Variants in ITGB3 observed in about 807,000 individuals in gnomAD.
The protein encoded by ITGB3 is integrin subunit beta 3, also known as integrin beta-3.
ITGB3 carries 48 observed loss-of-function variants against 85.8 expected under a neutral mutation model. The observed-to-expected ratio is 0.56, with a 90% confidence interval of 0.44 to 0.71. The LOEUF (loss-of-function observed/expected upper bound fraction) is 0.71, where lower values mean the gene tolerates loss of function less well. Ranked by LOEUF, ITGB3 falls within the 30% of genes least tolerant of loss-of-function variation. ITGB3 has a pLI of 0.00. For synonymous variants in ITGB3, 363 were observed against 395.6 expected, an observed-to-expected ratio of 0.92 and a Z score of 0.98; for missense variants, 861 against 1,019.1, an observed-to-expected ratio of 0.84 and a Z score of 2.11.
chr17:47,258,465 T>A (rs78818382), intron 1 of ITGB3, among the ~76,000 whole-genome samples: 20,683 of 152,006 alleles, frequency 0.14, 1,500 homozygotes, highest in Middle Eastern at 0.16. Context: ...AATTCAGGTA[T>A]AATTTATGTA....
At position 47,283,427 on chromosome 17, in the gene ITGB3, T is replaced by A; in HGVS notation, c.239T>A (p.Ile80Asn). Residue 80 changes from isoleucine to asparagine, a missense_variant, in exon 3 of 15, where the codon ATC (isoleucine) becomes AAC (asparagine). By Grantham distance (149) the Ile-to-Asn change is moderately radical. Transcript: ENST00000559488. ...LLKDNCAPES[I>N]EFPVSEARVL... ...AAGGATAACTGTGCCCCAGAATCCA[T>A]CGAGTTCCCAGTGAGTGAGGCCCGA... 1 of 1,614,194 alleles carries A rather than the reference T, an allele frequency of 6.2e-7. No homozygotes were observed. Among genetic ancestry groups the A allele is most frequent in the Non-Finnish European group, 8.5e-7 (1 of 1,180,040 alleles).
rs188471209 is a variant in ITGB3, at chr17:47,299,555, C to T, written c.1913+25C>T. The T allele has an allele frequency of 2.8e-3, 4,477 of 1,605,302 alleles. 7 individuals carry two copies. The highest frequency in any genetic ancestry group is 3.5e-3 in the Non-Finnish European group (4,112 of 1,172,582). On this transcript the variant is annotated intron_variant, in intron 11 of 14. Transcript: ENST00000559488. The surrounding 1 kb of genome is among the most constrained non-coding windows in gnomAD (Gnocchi z 5.1). The stretch of plus-strand genomic sequence containing the variant: ...AGTGAGTGTGGAGTCTGGAGAGAGC[C>T]GGGAGGCTGGGAGGTAGGAGAGGAT...
chr17:47,273,419 T>C (rs2065052291), intron 1 of ITGB3, among the ~76,000 whole-genome samples: 1 of 152,238 alleles, frequency 6.6e-6, no homozygotes, highest in Non-Finnish European at 1.5e-5. Flanking sequence ...AGGGTTCACC[T>C]GGCTGGAGCA....
At position 47,254,359 on chromosome 17, in the gene ITGB3, G is replaced by A. The variant is rs570532034; in HGVS notation, c.79+419G>A. On this transcript the variant is annotated intron_variant, in intron 1 of 14. Transcript: ENST00000559488. Reference sequence around the variant, plus strand: ...GGTTGTTCCCGCGCCTTGGCAGAGGGATGCCGCTGTAGCTTCCTGGGTGAG... The same window carrying A: ...GGTTGTTCCCGCGCCTTGGCAGAGGAATGCCGCTGTAGCTTCCTGGGTGAG... Among the ~76,000 whole-genome samples, 695 of 152,330 alleles carry A rather than the reference G, an allele frequency of 4.6e-3. 4 individuals are homozygous for A. The highest frequency in any genetic ancestry group is 0.017 in the Middle Eastern group (5 of 292).
At chr17:47,272,142 G>A (rs2065046334) in intron 1 of ITGB3, among the ~76,000 whole-genome samples, 1 of 143,320 alleles carries the variant, frequency 7.0e-6, no homozygotes, top group East Asian at 2.2e-4. Flanking sequence ...CACAAGCTCC[G>A]CCTCCTGAGT....
At chr17:47,296,205 T>G (rs73320494) in intron 10 of ITGB3, among the ~76,000 whole-genome samples, 3 of 152,130 alleles carry the variant, frequency 2.0e-5, no homozygotes, top group Non-Finnish European at 2.9e-5. Context: ...TTTCCAGATA[T>G]ACTTGGCAGC....
At chr17:47,256,911 G>T (rs1021263069) in intron 1 of ITGB3, among the ~76,000 whole-genome samples, 3 of 152,140 alleles carry the variant, frequency 2.0e-5, no homozygotes, top group African/African-American at 7.2e-5. Flanking sequence ...AACACAGCAG[G>T]AAGGCTTGTT....
intron 1 of ITGB3, among the ~76,000 whole-genome samples, chr17:47,269,533 A>C (rs2143054998): frequency 6.6e-6 from 1 of 152,308 alleles, no homozygotes; most frequent in South Asian, 2.1e-4. Flanking sequence ...CCTTTACTCC[A>C]GTTCCCAATA....
chr17:47,303,568 C>G (rs933472832), intron 13 of ITGB3: 5 of 152,526 alleles, frequency 3.3e-5, no homozygotes, highest in African/African-American at 1.2e-4. Context: ...CAGAGGAAGG[C>G]CTGATGGTTA....
chr17:47,302,977 G>T, intron 13 of ITGB3, 137 bp downstream of exon 13: 1 of 999,338 alleles, frequency 1.0e-6, no homozygotes, highest in South Asian at 1.4e-5. Context: ...GCCAGGTGTG[G>T]TGGTTAACAC....
chr17:47,283,456 C>G lies in ITGB3; in HGVS notation c.268C>G (p.Leu90Val). 2 of 1,614,188 alleles carry G rather than the reference C, an allele frequency of 1.2e-6. No individual in the cohort carries two copies. Among genetic ancestry groups the G allele is most frequent in the Non-Finnish European group, 8.5e-7 (1 of 1,180,034 alleles). The stretch of plus-strand genomic sequence containing the variant: ...GTTCCCAGTGAGTGAGGCCCGAGTA[C>G]TAGAGGACAGGCCCCTCAGCGACAA... ...IEFPVSEARV[L>V]EDRPLSDKGS... The change falls in exon 3 of 15, where the codon CTA becomes GTA. Residue 90 changes from leucine to valine, a missense_variant. Transcript: ENST00000559488.
intron 13 of ITGB3, among the ~76,000 whole-genome samples, chr17:47,304,592 GTTTTGTTTTTGT>G (rs370019711): frequency 0.01 from 1,588 of 152,028 alleles, 33 homozygotes; most frequent in East Asian, 0.048. Flanking sequence ...TGCTTTTTTT[GTTTTGTTTTTGT>G]TTTTGTTTTT....
At chr17:47,289,952 G>A (rs763524760) in intron 7 of ITGB3, among the ~76,000 whole-genome samples, 176 bp downstream of exon 7, 1 of 152,158 alleles carries the variant, frequency 6.6e-6, no homozygotes, top group Non-Finnish European at 1.5e-5. Flanking sequence ...AACTTACTAG[G>A]TATGTGTTGG....
At chr17:47,297,337 T>G (rs2065149487) in intron 10 of ITGB3, among the ~76,000 whole-genome samples, 1 of 152,032 alleles carries the variant, frequency 6.6e-6, no homozygotes, top group South Asian at 2.1e-4. Context: ...TTATAACAAA[T>G]GAAAAGGATA....
In ITGB3 at chr17:47,283,716, C is replaced by T. The variant is rs559111341; in HGVS notation, c.361+167C>T. On this transcript the variant is annotated intron_variant, in intron 3 of 14. Coordinates refer to ENST00000559488, the MANE Select transcript of ITGB3 (RefSeq NM_000212.3). ...CAAGAGAATGGAAGAAAATAAGAGACGTTAGGACTTGAGTCAGAAGATCTG... is the reference window on the plus strand; with the variant it reads ...CAAGAGAATGGAAGAAAATAAGAGATGTTAGGACTTGAGTCAGAAGATCTG... 1.7e-4 allele frequency among the ~76,000 whole-genome samples: 26 copies of T among 152,254 alleles called. 1 individual carries two copies. The highest frequency in any genetic ancestry group is 5.5e-4 in the African/African-American group (23 of 41,544).
At chr17:47,275,305 G>C (rs2065059514) in intron 2 of ITGB3, among the ~76,000 whole-genome samples, 1 of 152,026 alleles carries the variant, frequency 6.6e-6, no homozygotes, top group African/African-American at 2.4e-5. Flanking sequence ...CAGAGGGTTT[G>C]TTGTGTCTGG....
At chr17:47,306,518 T>C (rs1329831855) in intron 13 of ITGB3, among the ~76,000 whole-genome samples, 3 of 152,176 alleles carry the variant, frequency 2.0e-5, no homozygotes, top group African/African-American at 7.2e-5. Flanking sequence ...ACTCAAGCTG[T>C]CCTCCTGCCT....
chr17:47,298,320 T>C (rs2065153235), intron 10 of ITGB3, among the ~76,000 whole-genome samples: 1 of 152,170 alleles, frequency 6.6e-6, no homozygotes, highest in Non-Finnish European at 1.5e-5. Flanking sequence ...ATTTTCTGAC[T>C]TCTTTTCTCT....
intron 1 of ITGB3, among the ~76,000 whole-genome samples, chr17:47,262,997 A>G (rs992254331): frequency 3.3e-5 from 5 of 152,156 alleles, no homozygotes; most frequent in Non-Finnish European, 5.9e-5. Flanking sequence ...AATACTACAG[A>G]GCAGTTATCA....
Sources: allele counts gnomAD v4.1 joint callset (sites outside exome capture counted in the v4.1 genomes callset), GRCh38; gene constraint gnomAD v4.1.1; non-coding constraint Gnocchi (gnomAD v3.1); transcripts MANE v1.5; gene names NCBI Gene and HGNC (gene_info 2026-07-23, HGNC 2026-07-21).